RBM47: variants seen among roughly 807,000 people sequenced by gnomAD.
The protein encoded by RBM47 is RNA binding motif protein 47, also known as RNA-binding protein 47.
In RBM47, 21 loss-of-function variants were observed where a neutral mutation model predicts 47.1. That is an observed-to-expected ratio of 0.45 (90% CI 0.32 to 0.64). RBM47 has a LOEUF of 0.64. Ranked by LOEUF, RBM47 falls within the 30% of genes least tolerant of loss-of-function variation. The probability of loss-of-function intolerance (pLI) is 0.05; values close to 1 mark genes in which losing one functional copy is unlikely to be tolerated. For synonymous variants in RBM47, 375 were observed against 361.7 expected, an observed-to-expected ratio of 1.04 and a Z score of -0.42; for missense variants, 708 against 870.9, an observed-to-expected ratio of 0.81 and a Z score of 2.35.
chr4:40,464,817 G>T (rs1311217267), intron 3 of RBM47, among the ~76,000 whole-genome samples: 8 of 148,462 alleles, frequency 5.4e-5, no homozygotes, highest in African/African-American at 2.0e-4. Flanking sequence ...CGTGAACCCG[G>T]GAGGCAGAGC....
intron 1 of RBM47, among the ~76,000 whole-genome samples, chr4:40,607,971 A>T (rs568682881): frequency 5.9e-5 from 9 of 152,070 alleles, no homozygotes; most frequent in Admixed American, 1.3e-4. Flanking sequence ...CAGGCATGGC[A>T]GCCTACACCT....
chr4:40,589,141 T>C (rs1560490333), intron 1 of RBM47, among the ~76,000 whole-genome samples: 1 of 151,290 alleles, frequency 6.6e-6, no homozygotes, highest in South Asian at 2.1e-4. Flanking sequence ...GCTCAGCTAA[T>C]TTTTTTAGTA....
intron 1 of RBM47, among the ~76,000 whole-genome samples, chr4:40,591,000 C>G (rs1734086253): frequency 6.6e-6 from 1 of 152,026 alleles, no homozygotes; most frequent in African/African-American, 2.4e-5. Flanking sequence ...TCGGGGTTTC[C>G]CCGTGTTGGC....
In RBM47 at chr4:40,545,488, AC is replaced by A. The variant is rs770094103; in HGVS notation, c.-239-983del. On this transcript the variant is annotated intron_variant, in intron 1 of 6. Coordinates refer to ENST00000295971, the MANE Select transcript of RBM47 (RefSeq NM_001098634.2). ...AGACCAGCCTGACCAATATGGTGAA[AC>A]CCCATCTCTACTAAAAATACAAAAA... 1.4e-3 allele frequency among the ~76,000 whole-genome samples: 203 copies of A among 148,258 alleles called. 2 individuals are homozygous for A. Among genetic ancestry groups the A allele is most frequent in the Non-Finnish European group, 2.2e-3 (149 of 66,688 alleles).
chr4:40,544,683 T>C (rs547364398), intron 1 of RBM47, among the ~76,000 whole-genome samples, 177 bp from the exon 2 acceptor site: 40 of 152,122 alleles, frequency 2.6e-4, no homozygotes, highest in Non-Finnish European at 5.1e-4. Context: ...AACCAGGCAA[T>C]ATAGGAAATC....
intron 1 of RBM47, among the ~76,000 whole-genome samples, chr4:40,564,150 A>G (rs909927027): frequency 4.6e-5 from 7 of 152,204 alleles, no homozygotes; most frequent in Admixed American, 3.9e-4. Context: ...CCCATATTGC[A>G]GTGAGGTGTG....
chr4:40,500,315 C>T (rs1411455728), intron 2 of RBM47, among the ~76,000 whole-genome samples: 1 of 150,520 alleles, frequency 6.6e-6, no homozygotes, highest in Non-Finnish European at 1.5e-5. Context: ...CTTCGTCCCC[C>T]CCCAAAAAAA....
chr4:40,423,873 G>A lies in RBM47; in HGVS notation c.*2031C>T, dbSNP rs140421653. 21 of 152,612 alleles carry A rather than the reference G, an allele frequency of 1.4e-4. No individual in the cohort carries two copies. The East Asian group carries it at 4.1e-3, about 29-fold the overall frequency. The allele number at this position is 152,612 out of a possible 1,614,324, so 9.5% of individuals were successfully genotyped here. On this transcript the variant is annotated 3_prime_UTR_variant, in exon 7 of 7. Coordinates refer to ENST00000295971, the MANE Select transcript of RBM47 (RefSeq NM_001098634.2). The stretch of plus-strand genomic sequence containing the variant: ...TACTTTTTTCACACAGTCAGGGGAT[G>A]AGGATCTGATCCGAATTACATTTTG...
intron 3 of RBM47, among the ~76,000 whole-genome samples, chr4:40,446,150 T>G (rs1714493497): frequency 1.3e-5 from 2 of 152,330 alleles, no homozygotes; most frequent in African/African-American, 4.8e-5. Context: ...TTAACCAATG[T>G]TTACTGAATG....
chr4:40,526,782 T>C (rs1233048847), intron 2 of RBM47, among the ~76,000 whole-genome samples: 2 of 136,590 alleles, frequency 1.5e-5, no homozygotes, highest in Non-Finnish European at 3.1e-5. Context: ...TGCTGCCCAG[T>C]TTGGTTCTTT....
chr4:40,437,090 A>AATATATATATAT (rs1247522305), intron 4 of RBM47, among the ~76,000 whole-genome samples: 2 of 49,796 alleles, frequency 4.0e-5, no homozygotes, highest in Non-Finnish European at 6.6e-5. Flanking sequence ...AAAAAAAAAA[A>AATATATATATAT]ATATATATAT....
chr4:40,483,378 C>T (rs1204413796), intron 2 of RBM47, among the ~76,000 whole-genome samples: 1 of 152,130 alleles, frequency 6.6e-6, no homozygotes, highest in South Asian at 2.1e-4. Flanking sequence ...AAGAACAGAA[C>T]AACAAGAAAG....
chr4:40,621,330 G>A (rs566125136), intron 1 of RBM47, among the ~76,000 whole-genome samples: 1 of 152,262 alleles, frequency 6.6e-6, no homozygotes, highest in African/African-American at 2.4e-5. Context: ...CCAAACCTAG[G>A]TAATTGTCCA....
rs563978958 is a variant in RBM47, at chr4:40,426,539, A to C, written c.1543-396T>G. On this transcript the variant is annotated intron_variant, in intron 6 of 6. Coordinates refer to ENST00000295971, the MANE Select transcript of RBM47 (RefSeq NM_001098634.2). ...CTATGCACATCCTCCTGTATACTGT[A>C]AAAAAATTTTTTTTCATAGAGACAA... Among the ~76,000 whole-genome samples the C allele has an allele frequency of 3.9e-5, 6 of 152,150 alleles. No individual in the cohort carries two copies. In the East Asian group the frequency reaches 1.2e-3, roughly 29 times the overall value.
intron 3 of RBM47, among the ~76,000 whole-genome samples, chr4:40,462,153 G>A (rs1397786470): frequency 1.3e-5 from 2 of 152,004 alleles, no homozygotes; most frequent in African/African-American, 4.8e-5. Flanking sequence ...TAGGCGAGGC[G>A]GGTTACACAG....
chr4:40,606,257 G>T (rs1208363214), intron 1 of RBM47, among the ~76,000 whole-genome samples: 1 of 151,682 alleles, frequency 6.6e-6, no homozygotes, highest in Non-Finnish European at 1.5e-5. Flanking sequence ...GATGATGTAG[G>T]TGATATATAG....
rs149917693 is a variant in RBM47, at chr4:40,555,005, G to A, written c.-239-10499C>T. Among the ~76,000 whole-genome samples, 382 of 152,186 alleles carry A rather than the reference G, an allele frequency of 2.5e-3. 2 individuals carry two copies. The highest frequency in any genetic ancestry group is 8.9e-3 in the African/African-American group (368 of 41,530). On this transcript the variant is annotated intron_variant, in intron 1 of 6. Coordinates refer to ENST00000295971, the MANE Select transcript of RBM47 (RefSeq NM_001098634.2). ...GGCTGCAGTGCAATGGCGCGATCTC[G>A]GCTCACTGCAACCTCCGCCTCCCAG...
At chr4:40,458,648 TA>T (rs1214320438) in intron 3 of RBM47, among the ~76,000 whole-genome samples, 30 of 152,320 alleles carry the variant, frequency 2.0e-4, no homozygotes, top group African/African-American at 7.2e-4. Context: ...GGGGATCACT[TA>T]AAGACAAAAT....
rs1329540569 is a variant in RBM47 at position 40,563,446 on chromosome 4, G to A, written c.-239-18940C>T. 2.0e-5 allele frequency among the ~76,000 whole-genome samples: 3 copies of A among 152,198 alleles called. No homozygotes were observed. The East Asian group carries it at 5.8e-4, about 29-fold the overall frequency. On this transcript the variant is annotated intron_variant, in intron 1 of 6. Transcript: ENST00000295971. Reference sequence around the variant, plus strand: ...ACTCTGTGCTTGTATTATACTGCAGGATGACCCATGGCCCGCATTCTTAGA... The same window carrying A: ...ACTCTGTGCTTGTATTATACTGCAGAATGACCCATGGCCCGCATTCTTAGA...
Sources: allele counts gnomAD v4.1 joint callset (sites outside exome capture counted in the v4.1 genomes callset), GRCh38; gene constraint gnomAD v4.1.1; transcripts MANE v1.5; gene names NCBI Gene and HGNC (gene_info 2026-07-23, HGNC 2026-07-21).